TENM3: variants seen among roughly 807,000 people sequenced by gnomAD.
TENM3 encodes the protein teneurin transmembrane protein 3.
In TENM3, 63 loss-of-function variants were observed where a neutral mutation model predicts 255.1. The observed-to-expected ratio is 0.25, with a 90% confidence interval of 0.20 to 0.30. The LOEUF is 0.30. Ranked by LOEUF, TENM3 falls within the 10% of genes least tolerant of loss-of-function variation. TENM3 has a pLI of 1.00. For missense variants in TENM3, 2,929 were observed against 3,461.1 expected, an observed-to-expected ratio of 0.85 and a Z score of 3.86; for synonymous variants, 1,306 against 1,322.3, an observed-to-expected ratio of 0.99 and a Z score of 0.27.
chr4:182,352,568 C>A (rs1010749554), intron 3 of TENM3, among the ~76,000 whole-genome samples: 10 of 152,056 alleles, frequency 6.6e-5, no homozygotes, highest in African/African-American at 2.4e-4. Context: ...ATTAATTGTG[C>A]ATGATACTGA....
the TENM3 span, among the ~76,000 whole-genome samples, chr4:181,636,090 G>C: frequency 2.0e-5 from 3 of 152,058 alleles, no homozygotes; most frequent in Non-Finnish European, 4.4e-5. Context: ...CTGTCATTCA[G>C]GCTGGAGTGC....
chr4:181,668,860 G>A, the TENM3 span, among the ~76,000 whole-genome samples: 40 of 152,018 alleles, frequency 2.6e-4, no homozygotes, highest in Admixed American at 5.2e-4. Context: ...ATTCGAAAAC[G>A]TCAACTTTCA....
chr4:182,801,721 C>G lies in TENM3; in HGVS notation c.*1370C>G, dbSNP rs1766980557. On this transcript the variant is annotated 3_prime_UTR_variant, in exon 28 of 28. Coordinates refer to ENST00000511685, the MANE Select transcript of TENM3 (RefSeq NM_001080477.4). ...TCAGGGTTACTCTAAGCCCACATGACCAAACCATCTTGGGGGGCTGGTTTG... is the reference window on the plus strand; with the variant it reads ...TCAGGGTTACTCTAAGCCCACATGAGCAAACCATCTTGGGGGGCTGGTTTG... The G allele has an allele frequency of 6.6e-6, 1 of 152,030 alleles. No homozygotes were observed. The highest frequency in any genetic ancestry group is 6.6e-5 in the Admixed American group (1 of 15,242). 9.4% of individuals were successfully genotyped at this position (152,030 alleles called of 1,614,324 possible).
the TENM3 span, among the ~76,000 whole-genome samples, chr4:181,908,435 A>G: frequency 5.3e-5 from 8 of 152,220 alleles, no homozygotes; most frequent in Non-Finnish European, 1.2e-4. Flanking sequence ...GCAATCATAA[A>G]TTAAACAATA....
intron 3 of TENM3, among the ~76,000 whole-genome samples, chr4:182,595,200 A>G (rs143763429): frequency 6.6e-6 from 1 of 152,270 alleles, no homozygotes; most frequent in East Asian, 1.9e-4. Context: ...CACCATGCTG[A>G]TTCATAATAA....
At chr4:181,769,464 C>A in the TENM3 span, among the ~76,000 whole-genome samples, 2 of 152,152 alleles carry the variant, frequency 1.3e-5, no homozygotes, top group Non-Finnish European at 2.9e-5. Context: ...AATAATGGCT[C>A]CTCCTCATTG....
chr4:182,752,077 A>T (rs1329240922), intron 20 of TENM3, 45 bp downstream of exon 20: 3 of 1,179,304 alleles, frequency 2.5e-6, no homozygotes, highest in Non-Finnish European at 3.5e-6. Flanking sequence ...ATTTATTAAA[A>T]AAAAAAAAAA....
intron 6 of TENM3, among the ~76,000 whole-genome samples, chr4:182,655,492 G>T (rs549627536): frequency 6.6e-6 from 1 of 152,270 alleles, no homozygotes; most frequent in South Asian, 2.1e-4. Flanking sequence ...CTGGGTGCTG[G>T]CTGCTGGTAT....
chr4:181,505,829 A>C, the TENM3 span, among the ~76,000 whole-genome samples: 1 of 152,208 alleles, frequency 6.6e-6, no homozygotes. Context: ...GCTTAAAAAC[A>C]TCAGCTATCC....
chr4:182,175,313 A>AAAG, intron 1 of TENM3, among the ~76,000 whole-genome samples: 1 of 82,692 alleles, frequency 1.2e-5, no homozygotes, highest in South Asian at 3.3e-4. Context: ...AAAAAAAAAA[A>AAAG]AATATATATA....
At chr4:182,295,861 G>A (rs1359088372) in intron 1 of TENM3, among the ~76,000 whole-genome samples, 2 of 152,174 alleles carry the variant, frequency 1.3e-5, no homozygotes, top group Non-Finnish European at 2.9e-5. Context: ...TAGTTGTCAG[G>A]ACCTAAAAGT....
the TENM3 span, among the ~76,000 whole-genome samples, chr4:181,726,188 A>G: frequency 6.6e-6 from 1 of 152,206 alleles, no homozygotes; most frequent in Non-Finnish European, 1.5e-5. Context: ...ATTTCAAAAT[A>G]TAAATTTATT....
the TENM3 span, among the ~76,000 whole-genome samples, chr4:181,767,166 G>T: frequency 2.0e-5 from 3 of 148,906 alleles, no homozygotes; most frequent in African/African-American, 7.4e-5. Context: ...GCAGGAGAAT[G>T]GCGTGAACCC....
chr4:181,762,123 G>A, the TENM3 span, among the ~76,000 whole-genome samples: 3 of 152,120 alleles, frequency 2.0e-5, no homozygotes, highest in Non-Finnish European at 2.9e-5. Context: ...GAATTCAGAA[G>A]GGAGTAAAAG....
chr4:182,289,245 G>C (rs1760952509), intron 1 of TENM3, among the ~76,000 whole-genome samples: 1 of 152,182 alleles, frequency 6.6e-6, no homozygotes, highest in Non-Finnish European at 1.5e-5. Context: ...CATTTAAAAA[G>C]ATTTATATTA....
intron 3 of TENM3, among the ~76,000 whole-genome samples, chr4:182,589,818 C>CA (rs1202194258): frequency 6.6e-6 from 1 of 151,746 alleles, no homozygotes; most frequent in Non-Finnish European, 1.5e-5. Flanking sequence ...ACTAAAAATA[C>CA]AAAAAATTAG....
rs537729364 is a variant in TENM3 at position 182,665,765 on chromosome 4, G to A, written c.1112-7240G>A. 1.3e-4 allele frequency among the ~76,000 whole-genome samples: 20 copies of A among 152,068 alleles called. No individual in the cohort carries two copies. In the South Asian group the frequency reaches 2.9e-3, roughly 22 times the overall value. ...AAAAAATTTAGCCGGACATGGTGGC[G>A]GGCACCTGTAGTCCCAGCTACTCAG... On this transcript the variant is annotated intron_variant, in intron 6 of 27. Coordinates refer to ENST00000511685, the MANE Select transcript of TENM3 (RefSeq NM_001080477.4).
At chr4:181,646,575 A>C in the TENM3 span, among the ~76,000 whole-genome samples, 1 of 152,030 alleles carries the variant, frequency 6.6e-6, no homozygotes, top group Admixed American at 6.6e-5. Context: ...TTGAGCATCA[A>C]CTCTTGTCCC....
At chr4:182,796,166 T>G (rs1461383133) in intron 26 of TENM3, among the ~76,000 whole-genome samples, 1 of 152,230 alleles carries the variant, frequency 6.6e-6, no homozygotes, top group Non-Finnish European at 1.5e-5. Context: ...TACTCTCAAT[T>G]TAGGGGTTTT....
Sources: allele counts gnomAD v4.1 joint callset (sites outside exome capture counted in the v4.1 genomes callset), GRCh38; gene constraint gnomAD v4.1.1; transcripts MANE v1.5; gene names NCBI Gene and HGNC (gene_info 2026-07-23, HGNC 2026-07-21).